Variants in LSM7 observed in about 807,000 individuals in gnomAD.
The protein encoded by LSM7 is LSM7 homolog, U6 small nuclear RNA and mRNA degradation associated.
LSM7 carries 13 observed loss-of-function variants against 14.1 expected under a neutral mutation model. The observed-to-expected ratio is 0.92, with a 90% CI of 0.60 to 1.47. The LOEUF is 1.47. LSM7 is among the 40% of genes most tolerant of loss of function. LSM7 has a pLI of 0.00. For missense variants in LSM7, 108 were observed against 140.8 expected (o/e 0.77, Z 1.18); for synonymous variants, 70 against 57.1 (o/e 1.23, Z -1.02).
intron 3 of LSM7, 89 bp downstream of exon 3, chr19:2,324,036 C>G (rs1163972373): frequency 3.3e-6 from 3 of 908,520 alleles, no homozygotes; most frequent in Non-Finnish European, 4.9e-6. Flanking sequence ...GGCTGCCCCC[C>G]TCGTCCCACT....
At chr19:2,324,057 T>G in intron 3 of LSM7, 68 bp downstream of exon 3, 55 of 291,398 alleles carry the variant, frequency 1.9e-4, no homozygotes, top group East Asian at 3.1e-4. Context: ...GCCCCCCTCG[T>G]CCCGCTGCCC....
In LSM7 at chr19:2,327,403, C is replaced by T. The variant is rs890536466; in HGVS notation, c.97+984G>A. Among the ~76,000 whole-genome samples, 12 of 152,212 alleles carry T rather than the reference C, an allele frequency of 7.9e-5. No homozygotes were observed. In the East Asian group the frequency reaches 1.9e-3, roughly 24 times the overall value. ...GACTACAAGCGTGCGCCACCATGCC[C>T]AGCTAACTTTTTGTATTTTAGTAGA... On this transcript the variant is annotated intron_variant, in intron 2 of 3. Coordinates refer to ENST00000252622, the MANE Select transcript of LSM7 (RefSeq NM_016199.3).
intron 3 of LSM7, among the ~76,000 whole-genome samples, chr19:2,323,204 A>T (rs551213325): frequency 6.6e-6 from 1 of 152,264 alleles, no homozygotes; most frequent in Admixed American, 6.5e-5. Flanking sequence ...GAGCGGGGGC[A>T]GGGAAATGAG....
At chr19:2,327,387 C>T (rs1287898156) in intron 2 of LSM7, among the ~76,000 whole-genome samples, 1 of 152,018 alleles carries the variant, frequency 6.6e-6, no homozygotes, top group African/African-American at 2.4e-5. Context: ...GGACTACAAG[C>T]GTGCGCCACC....
intron 3 of LSM7, among the ~76,000 whole-genome samples, chr19:2,323,579 C>T (rs547476837): frequency 1.0e-3 from 157 of 152,180 alleles, no homozygotes; most frequent in Non-Finnish European, 1.1e-3. Context: ...GCCTCCCGAG[C>T]AGCTGGGATT....
intron 2 of LSM7, among the ~76,000 whole-genome samples, chr19:2,326,329 TGTGTGTGTGTGTGTGTGTG>T (rs1968017308): frequency 1.0e-5 from 1 of 99,554 alleles, no homozygotes. Flanking sequence ...TGTGTGTGTG[TGTGTGTGTGTGTGTGTGTG>T]TGTGTGTGTT....
At chr19:2,323,678 C>T (rs1967970609) in intron 3 of LSM7, among the ~76,000 whole-genome samples, 1 of 152,226 alleles carries the variant, frequency 6.6e-6, no homozygotes, top group African/African-American at 2.4e-5. Flanking sequence ...TCTCAAACTC[C>T]TGACCTCAAG....
At chr19:2,327,128 C>T (rs1047579598) in intron 2 of LSM7, among the ~76,000 whole-genome samples, 5 of 152,208 alleles carry the variant, frequency 3.3e-5, no homozygotes, top group African/African-American at 1.2e-4. Flanking sequence ...GTTTCAGCTG[C>T]TAAATGGGTG....
chr19:2,327,410 C>A (rs984799676), intron 2 of LSM7, among the ~76,000 whole-genome samples: 9 of 152,068 alleles, frequency 5.9e-5, no homozygotes, highest in African/African-American at 2.2e-4. Flanking sequence ...GCCCAGCTAA[C>A]TTTTTGTATT....
At chr19:2,322,291 G>A (rs1168310065) in intron 3 of LSM7, among the ~76,000 whole-genome samples, 4 of 152,204 alleles carry the variant, frequency 2.6e-5, no homozygotes, top group Non-Finnish European at 5.9e-5. Flanking sequence ...TGTAATCCCA[G>A]CACTTTGGGA....
intron 2 of LSM7, chr19:2,324,937 C>T (rs1228897893): frequency 2.0e-5 from 3 of 152,602 alleles, no homozygotes; most frequent in African/African-American, 4.8e-5. Context: ...GAGTGCTCCG[C>T]TCTGACAGCG....
intron 2 of LSM7, among the ~76,000 whole-genome samples, chr19:2,327,017 A>G (rs1387095158): frequency 2.6e-5 from 4 of 152,110 alleles, no homozygotes; most frequent in Admixed American, 1.3e-4. Context: ...AAGATGATGG[A>G]CCCCAAAAAA....
chr19:2,328,357 A>AG (rs1375064203), intron 2 of LSM7, 30 bp downstream of exon 2: 2 of 1,595,488 alleles, frequency 1.3e-6, no homozygotes, highest in Non-Finnish European at 1.7e-6. Context: ...ATTTTTAAAG[A>AG]GGGGGTACCG....
Position 2,321,913 on chromosome 19 carries a change from C to G in LSM7, c.170-91G>C. ...CAAGACCCTCGCTCCGACCTCCCCACCTGCACCCTGCAGGCGCCACGAGCA... is the reference window on the plus strand; with the variant it reads ...CAAGACCCTCGCTCCGACCTCCCCAGCTGCACCCTGCAGGCGCCACGAGCA... On this transcript the variant is annotated intron_variant, in intron 3 of 3. Coordinates refer to ENST00000252622, the MANE Select transcript of LSM7 (RefSeq NM_016199.3). The surrounding 1 kb of genome is among the most constrained non-coding windows in gnomAD (Gnocchi z 5.0). 8.3e-7 allele frequency: 1 copy of G among 1,209,680 alleles called. No individual in the cohort carries two copies. The highest frequency in any genetic ancestry group is 1.1e-6 in the Non-Finnish European group (1 of 935,340). 74.9% of individuals were successfully genotyped at this position (1,209,680 alleles called of 1,614,324 possible).
In LSM7 at chr19:2,323,428, C is replaced by T. The variant is rs544183814; in HGVS notation, c.169+697G>A. On this transcript the variant is annotated intron_variant, in intron 3 of 3. Transcript: ENST00000252622. ...CTTGAGCCCAGGAGTTCGAGACCAG[C>T]CCGGGCAACACAGTGAGACCTCAGC... 5.5e-4 allele frequency among the ~76,000 whole-genome samples: 84 copies of T among 152,304 alleles called. 1 individual carries two copies. Among genetic ancestry groups the T allele is most frequent in the African/African-American group, 1.9e-3 (80 of 41,578 alleles).
intron 2 of LSM7, 80 bp from the exon 3 acceptor site, chr19:2,324,276 G>T: frequency 1.8e-6 from 2 of 1,130,824 alleles, no homozygotes; most frequent in Admixed American, 2.0e-5. Flanking sequence ...GCATGGCCCA[G>T]GTATGGGGCT....
chr19:2,325,663 G>T (rs1351862947), intron 2 of LSM7, among the ~76,000 whole-genome samples: 2 of 152,152 alleles, frequency 1.3e-5, no homozygotes, highest in Non-Finnish European at 2.9e-5. Context: ...GTGGTGCGGG[G>T]GAGGGTCTGC....
In LSM7 at chr19:2,324,212, G is replaced by A. The variant is rs1340108696; in HGVS notation, c.98-16C>T. The A allele has an allele frequency of 2.2e-5, 35 of 1,563,186 alleles. No individual in the cohort carries two copies. The highest frequency in any genetic ancestry group is 3.5e-5 in the South Asian group (3 of 84,940). ...ATTCCACTGGCTTGGAGAAATCACC[G>A]GGGGAGAGAAAAGAGAAGGCATGAG... On this transcript the variant is annotated splice_polypyrimidine_tract_variant and intron_variant, in intron 2 of 3. Transcript: ENST00000252622.
At chr19:2,326,376 C>T (rs1968019231) in intron 2 of LSM7, among the ~76,000 whole-genome samples, 1 of 149,078 alleles carries the variant, frequency 6.7e-6, no homozygotes. Context: ...GAGTCTTGCT[C>T]TGTCGCCCAG....
Sources: allele counts gnomAD v4.1 joint callset (sites outside exome capture counted in the v4.1 genomes callset), GRCh38; gene constraint gnomAD v4.1.1; non-coding constraint Gnocchi (gnomAD v3.1); transcripts MANE v1.5; gene names NCBI Gene and HGNC (gene_info 2026-07-23, HGNC 2026-07-21).